Variants in GNAQ observed in about 807,000 individuals in gnomAD.
GNAQ encodes the protein G protein subunit alpha q, also known as guanine nucleotide-binding protein G(q) subunit alpha.
In GNAQ, 8 loss-of-function variants were observed where a neutral mutation model predicts 43.9. The ratio of observed to expected loss-of-function variants is 0.18; its 90% CI spans 0.11 to 0.33. The LOEUF (loss-of-function observed/expected upper bound fraction) is 0.33. Ranked by LOEUF, GNAQ falls within the 10% of genes least tolerant of loss-of-function variation. The probability of loss-of-function intolerance (pLI) is 1.00; values close to 1 mark genes in which losing one functional copy is unlikely to be tolerated. For synonymous variants in GNAQ, 155 were observed against 170.7 expected, an observed-to-expected ratio of 0.91 and a Z score of 0.71; for missense variants, 158 against 450.8, an observed-to-expected ratio of 0.35 and a Z score of 5.88.
chr9:77,728,381 G>A lies in GNAQ; in HGVS notation c.889+133C>T, dbSNP rs140998577. The stretch of plus-strand genomic sequence containing the variant: ...GACAGGGCAAACAAGAATTCCTACT[G>A]TATCAGTTTCAACACGCAGGCTGCA... On this transcript the variant is annotated intron_variant, in intron 6 of 6. Transcript: ENST00000286548. 195 of 696,246 alleles carry A rather than the reference G, an allele frequency of 2.8e-4. No individual in the cohort carries two copies. The African/African-American group carries it at 3.1e-3, about 11-fold the overall frequency. 43.1% of individuals were successfully genotyped at this position (696,246 alleles called of 1,614,324 possible).
chr9:77,916,278 T>C (rs1287203563), intron 2 of GNAQ, among the ~76,000 whole-genome samples: 1 of 152,230 alleles, frequency 6.6e-6, no homozygotes, highest in East Asian at 1.9e-4. Context: ...AGAATATGTA[T>C]TTATTAATTC....
chr9:77,893,167 C>T (rs10747025), intron 2 of GNAQ, among the ~76,000 whole-genome samples: 144,024 of 152,222 alleles, frequency 0.95, 68,200 homozygotes, highest in East Asian at 1. Flanking sequence ...AGATTAGGCA[C>T]TTCAAGTCAC....
chr9:77,937,351 T>C (rs905181176), intron 1 of GNAQ, among the ~76,000 whole-genome samples: 8 of 151,850 alleles, frequency 5.3e-5, no homozygotes, highest in Non-Finnish European at 4.4e-5. Flanking sequence ...GGCAGGAGAA[T>C]TGCTTGAACC....
At chr9:77,929,991 CCT>C (rs1448799666) in intron 1 of GNAQ, among the ~76,000 whole-genome samples, 2 of 152,016 alleles carry the variant, frequency 1.3e-5, no homozygotes, top group South Asian at 2.1e-4. Flanking sequence ...TAAAAATTAC[CCT>C]GTCATAACAC....
intron 5 of GNAQ, among the ~76,000 whole-genome samples, chr9:77,788,803 G>T (rs982807162): frequency 1.2e-4 from 18 of 152,072 alleles, no homozygotes; most frequent in African/African-American, 4.3e-4. Flanking sequence ...CCTATCACAC[G>T]CTTTTATGTT....
At chr9:77,763,978 T>TG (rs933215434) in intron 5 of GNAQ, among the ~76,000 whole-genome samples, 3 of 152,238 alleles carry the variant, frequency 2.0e-5, no homozygotes, top group Admixed American at 1.3e-4. Context: ...GCTTGGATTT[T>TG]GGGGAATGTT....
At chr9:77,913,672 T>C (rs888689838) in intron 2 of GNAQ, among the ~76,000 whole-genome samples, 5 of 152,214 alleles carry the variant, frequency 3.3e-5, no homozygotes, top group African/African-American at 9.6e-5. Context: ...TATGCCTTCA[T>C]TCATACCAAG....
chr9:77,767,614 G>A (rs1826157318), intron 5 of GNAQ, among the ~76,000 whole-genome samples: 1 of 152,230 alleles, frequency 6.6e-6, no homozygotes, highest in African/African-American at 2.4e-5. Context: ...TCTACAAGAA[G>A]CTCCTAGTGC....
chr9:77,987,685 A>C (rs1412462916), intron 1 of GNAQ, among the ~76,000 whole-genome samples: 1 of 152,148 alleles, frequency 6.6e-6, no homozygotes, highest in Non-Finnish European at 1.5e-5. Flanking sequence ...CAATATAGAC[A>C]AAATCTCTCA....
At position 77,880,775 on chromosome 9, in the gene GNAQ, C is replaced by T. The variant is rs183581221; in HGVS notation, c.321+41386G>A. ...TTCTGTTAGTTTGCCCCTGCTGATA[C>T]GCATTATGCCTGGAGTGTGTTTTTC... On this transcript the variant is annotated intron_variant, in intron 2 of 6. Transcript: ENST00000286548. Among the ~76,000 whole-genome samples, 103 of 152,220 alleles carry T rather than the reference C, an allele frequency of 6.8e-4. 1 individual carries two copies. The highest frequency in any genetic ancestry group is 4.8e-3 in the Admixed American group (74 of 15,288).
At chr9:78,027,535 AAGACTGGCCT>A (rs1362105289) in intron 1 of GNAQ, among the ~76,000 whole-genome samples, 2 of 152,082 alleles carry the variant, frequency 1.3e-5, no homozygotes, top group Non-Finnish European at 2.9e-5. Context: ...TCTTCCATTT[AAGACTGGCCT>A]GTCGCGACCA....
At chr9:78,006,085 G>A (rs1249064928) in intron 1 of GNAQ, among the ~76,000 whole-genome samples, 4 of 152,110 alleles carry the variant, frequency 2.6e-5, no homozygotes, top group South Asian at 2.1e-4. Context: ...TTCCTGGAAC[G>A]TGAGTTCTAA....
chr9:77,999,411 G>C (rs1823616788), intron 1 of GNAQ, among the ~76,000 whole-genome samples: 1 of 152,168 alleles, frequency 6.6e-6, no homozygotes, highest in African/African-American at 2.4e-5. Context: ...ATGGGCAAAA[G>C]TTTCTACATT....
intron 2 of GNAQ, among the ~76,000 whole-genome samples, chr9:77,887,743 T>C (rs1166434244): frequency 6.6e-6 from 1 of 152,256 alleles, no homozygotes; most frequent in African/African-American, 2.4e-5. Context: ...TCATGTTAGA[T>C]GTTATATTAA....
intron 5 of GNAQ, among the ~76,000 whole-genome samples, chr9:77,772,764 T>A (rs1305761475): frequency 6.6e-6 from 1 of 152,194 alleles, no homozygotes; most frequent in Non-Finnish European, 1.5e-5. Flanking sequence ...ACAAACACTG[T>A]AATAGAACAT....
At chr9:77,785,617 C>A (rs868493272) in intron 5 of GNAQ, among the ~76,000 whole-genome samples, 6 of 152,126 alleles carry the variant, frequency 3.9e-5, no homozygotes, top group Non-Finnish European at 5.9e-5. Flanking sequence ...TACTTATAAT[C>A]TGTATACTTT....
chr9:77,851,992 G>A (rs1345831307), intron 2 of GNAQ, among the ~76,000 whole-genome samples: 1 of 152,150 alleles, frequency 6.6e-6, no homozygotes, highest in Admixed American at 6.5e-5. Flanking sequence ...AAACAGAGCA[G>A]GTGCCAAAGT....
At chr9:77,730,964 C>T (rs1392771403) in intron 5 of GNAQ, among the ~76,000 whole-genome samples, 3 of 152,178 alleles carry the variant, frequency 2.0e-5, no homozygotes, top group Middle Eastern at 3.4e-3. Flanking sequence ...TTCTTTTTAA[C>T]CCCTTACTTA....
intron 2 of GNAQ, among the ~76,000 whole-genome samples, chr9:77,871,741 C>A (rs1828041356): frequency 1.3e-5 from 2 of 152,142 alleles, no homozygotes; most frequent in South Asian, 4.1e-4. Flanking sequence ...ATAAAAACAT[C>A]ACTTTTTTCT....
Sources: gnomAD v4.1 joint callset for allele counts (sites outside exome capture counted in the v4.1 genomes callset) on GRCh38, gnomAD v4.1.1 for gene constraint, MANE v1.5 for transcripts, NCBI Gene and HGNC (gene_info 2026-07-23, HGNC 2026-07-21) for gene names.